Variants in EPHA3 observed in about 807,000 individuals in gnomAD.
The protein encoded by EPHA3 is ephrin type-A receptor 3.
EPHA3 carries 42 observed loss-of-function variants against 107.1 expected under a neutral mutation model. The observed-to-expected ratio is 0.39, with a 90% CI of 0.31 to 0.51. The LOEUF (loss-of-function observed/expected upper bound fraction) is 0.51. Among genes scored for constraint, EPHA3 ranks in the 20% least tolerant of loss-of-function variants. The pLI, the probability that EPHA3 is intolerant of heterozygous loss-of-function variation, is 0.78. For synonymous variants in EPHA3, 461 were observed against 424.8 expected (o/e 1.09, Z -1.05); for missense variants, 1,183 against 1,211.2 (o/e 0.98, Z 0.35).
intron 2 of EPHA3, among the ~76,000 whole-genome samples, chr3:89,171,285 A>T (rs2107097574): frequency 6.6e-6 from 1 of 152,276 alleles, no homozygotes; most frequent in South Asian, 2.1e-4. Context: ...TTTGAAGCCA[A>T]GCAGATTCAA....
At chr3:89,397,911 A>G (rs1229774429) in intron 6 of EPHA3, among the ~76,000 whole-genome samples, 1 of 152,244 alleles carries the variant, frequency 6.6e-6, no homozygotes, top group African/African-American at 2.4e-5. Context: ...TAGCTATTGC[A>G]GGAAAAAATG....
intron 13 of EPHA3, among the ~76,000 whole-genome samples, chr3:89,433,108 A>T (rs1709601118): frequency 6.6e-6 from 1 of 152,108 alleles, no homozygotes; most frequent in Non-Finnish European, 1.5e-5. Context: ...ACATTACAGG[A>T]TCAAAACGTA....
intron 15 of EPHA3, among the ~76,000 whole-genome samples, chr3:89,461,052 C>A (rs2107566687): frequency 1.8e-5 from 2 of 112,854 alleles, no homozygotes; most frequent in South Asian, 2.7e-4. Flanking sequence ...GTTCAATTCC[C>A]ACCTATGAGT....
chr3:89,184,987 T>C (rs1397935096), intron 2 of EPHA3, among the ~76,000 whole-genome samples: 1 of 152,032 alleles, frequency 6.6e-6, no homozygotes, highest in Non-Finnish European at 1.5e-5. Context: ...AAAAGCCAAC[T>C]TCTTATTGGG....
chr3:89,198,500 C>G (rs543117115), intron 2 of EPHA3, among the ~76,000 whole-genome samples: 4 of 152,012 alleles, frequency 2.6e-5, no homozygotes, highest in Non-Finnish European at 4.4e-5. Context: ...GGATACTCAA[C>G]GGATAAAAGA....
chr3:89,317,459 G>A (rs555020541), intron 3 of EPHA3, among the ~76,000 whole-genome samples: 6 of 151,696 alleles, frequency 4.0e-5, no homozygotes, highest in African/African-American at 1.4e-4. Context: ...GAGGGATAAA[G>A]CAAAGTAGCA....
chr3:89,209,957 C>A lies in EPHA3; in HGVS notation c.251C>A (p.Thr84Lys). The change falls in exon 3 of 17, where the codon ACA (threonine) becomes AAA (lysine). Residue 84 changes from threonine to lysine, a missense_variant. Coordinates refer to ENST00000336596, the MANE Select transcript of EPHA3 (RefSeq NM_005233.6). The part of the protein sequence containing the change: ...MDHSQNNWLR[T>K]NWVPRNSAQK... ...CACAGTCAAAACAATTGGCTGAGAA[C>A]AAACTGGGTCCCCAGGAACTCAGCT... 1 of 1,613,912 alleles carries A rather than the reference C, an allele frequency of 6.2e-7. No homozygotes were observed. The highest frequency in any genetic ancestry group is 8.5e-7 in the Non-Finnish European group (1 of 1,179,922).
intron 2 of EPHA3, among the ~76,000 whole-genome samples, chr3:89,138,239 G>A (rs1360390674): frequency 6.6e-6 from 1 of 151,744 alleles, no homozygotes; most frequent in African/African-American, 2.4e-5. Context: ...GGCAACTTGG[G>A]AAATCTATTC....
At chr3:89,293,044 G>T (rs970152247) in intron 3 of EPHA3, among the ~76,000 whole-genome samples, 1 of 152,064 alleles carries the variant, frequency 6.6e-6, no homozygotes, top group Non-Finnish European at 1.5e-5. Context: ...CATTCTGATA[G>T]GTATGTAATG....
At chr3:89,388,045 C>CA (rs1176992872) in intron 5 of EPHA3, among the ~76,000 whole-genome samples, 1 of 152,036 alleles carries the variant, frequency 6.6e-6, no homozygotes, top group Non-Finnish European at 1.5e-5. Context: ...ATTTTTCTCC[C>CA]AGCACAATTA....
chr3:89,357,349 T>A (rs1169616402), intron 5 of EPHA3, among the ~76,000 whole-genome samples: 2 of 150,864 alleles, frequency 1.3e-5, no homozygotes, highest in African/African-American at 4.8e-5. Flanking sequence ...CTGTTAGTGG[T>A]TGACTTTTTC....
intron 11 of EPHA3, among the ~76,000 whole-genome samples, chr3:89,421,648 GA>G (rs1709355570): frequency 6.6e-6 from 1 of 151,072 alleles, no homozygotes; most frequent in African/African-American, 2.4e-5. Flanking sequence ...GTCATGAGTT[GA>G]TTTTTTTGTT....
At chr3:89,299,326 A>T (rs1706431025) in intron 3 of EPHA3, among the ~76,000 whole-genome samples, 1 of 152,036 alleles carries the variant, frequency 6.6e-6, no homozygotes, top group Non-Finnish European at 1.5e-5. Context: ...GCATTACATT[A>T]TATAAATTTC....
At chr3:89,337,058 C>T (rs1208206320) in intron 3 of EPHA3, among the ~76,000 whole-genome samples, 1 of 127,820 alleles carries the variant, frequency 7.8e-6, no homozygotes, top group South Asian at 2.4e-4. Context: ...GACCCTGGCT[C>T]AAAAAAAGAA....
At chr3:89,240,696 T>A (rs1035831808) in intron 3 of EPHA3, among the ~76,000 whole-genome samples, 6 of 152,002 alleles carry the variant, frequency 3.9e-5, no homozygotes, top group Admixed American at 2.0e-4. Flanking sequence ...GCATTCTAGT[T>A]AAAATTATGA....
rs111924124 is a variant in EPHA3, at chr3:89,371,721, TAC to T, written c.1307-24096_1307-24095del. Among the ~76,000 whole-genome samples the T allele has an allele frequency of 6.5e-3, 958 of 147,018 alleles. 6 individuals carry two copies. The highest frequency in any genetic ancestry group is 0.031 in the Middle Eastern group (9 of 286). ...ATTGTACAAGGCACAGTGATACACATACACACACACACACACACACAACACAC... is the reference window on the plus strand; with the variant it reads ...ATTGTACAAGGCACAGTGATACACATACACACACACACACACACAACACAC... On this transcript the variant is annotated intron_variant, in intron 5 of 16. Coordinates refer to ENST00000336596, the MANE Select transcript of EPHA3 (RefSeq NM_005233.6).
chr3:89,138,176 A>T (rs1044510189), intron 2 of EPHA3, among the ~76,000 whole-genome samples: 22 of 151,672 alleles, frequency 1.5e-4, no homozygotes, highest in Non-Finnish European at 2.9e-4. Context: ...TGATATTTTT[A>T]AAATATTGGA....
intron 3 of EPHA3, among the ~76,000 whole-genome samples, chr3:89,294,898 C>T (rs73846133): frequency 0.045 from 6,867 of 152,062 alleles, 509 homozygotes; most frequent in African/African-American, 0.16. Context: ...CTTTTGCATG[C>T]TTCATATTTT....
At chr3:89,413,746 A>T (rs1364482725) in intron 10 of EPHA3, among the ~76,000 whole-genome samples, 1 of 151,774 alleles carries the variant, frequency 6.6e-6, no homozygotes, top group Non-Finnish European at 1.5e-5. Context: ...AAGGTGCTCC[A>T]TTTTAATGCT....
Sources: gnomAD v4.1 joint callset for allele counts (sites outside exome capture counted in the v4.1 genomes callset) on GRCh38, gnomAD v4.1.1 for gene constraint, MANE v1.5 for transcripts, NCBI Gene and HGNC (gene_info 2026-07-23, HGNC 2026-07-21) for gene names.